CHFR: variants seen among roughly 807,000 people sequenced by gnomAD.
The protein encoded by CHFR is checkpoint with forkhead and ring finger domains.
Under a neutral mutation model 87.6 loss-of-function variants are expected in CHFR, and 57 were observed. That is an observed-to-expected ratio of 0.65 (90% CI 0.53 to 0.81). The LOEUF is 0.81. Among genes scored for constraint, CHFR ranks in the 30% least tolerant of loss-of-function variants. The pLI is 0.00. For missense variants in CHFR, 797 were observed against 865.8 expected (o/e 0.92, Z 1.00); for synonymous variants, 381 against 359.2 (o/e 1.06, Z -0.69).
At chr12:132,847,627 A>G (rs1950857303) in intron 14 of CHFR, 1 of 1,080,496 alleles carries the variant, frequency 9.3e-7, no homozygotes, top group Non-Finnish European at 1.1e-6. Flanking sequence ...TGCTGTCAGC[A>G]AAGTGCTCGG....
In CHFR at chr12:132,861,629, C is replaced by A. The variant is rs370517411; in HGVS notation, c.589G>T (p.Gly197Trp). 29 of 1,614,068 alleles carry A rather than the reference C, an allele frequency of 1.8e-5. 2 individuals carry two copies. The African/African-American group carries it at 2.3e-4, about 13-fold the overall frequency. Residue 197 changes from glycine (G) to tryptophan (W), a missense_variant, in exon 7 of 18, where the codon GGG (glycine) becomes TGG (tryptophan). Transcript: ENST00000450056. The part of the protein sequence containing the change: ...GRERSSSCGS[G>W]GGGISPKGSG... ...CCTTTAGGGGAGATGCCACCACCCC[C>A]AGACCCTGTGAGAGGAATCAAACAA... is the stretch of plus-strand genomic sequence containing the variant.
At position 132,859,056 on chromosome 12, in the gene CHFR, A is replaced by G; in HGVS notation, c.911+12T>C. The stretch of plus-strand genomic sequence containing the variant: ...GCCATGTTCCGTGAGCCAAGGGTGA[A>G]CACGGTCGCACCTCACGCAGTCGTG... On this transcript the variant is annotated intron_variant, in intron 8 of 17. Coordinates refer to ENST00000450056, the MANE Select transcript of CHFR (RefSeq NM_001161346.2). The G allele has an allele frequency of 1.2e-6, 2 of 1,610,004 alleles. No homozygotes were observed. The highest frequency in any genetic ancestry group is 1.7e-6 in the Non-Finnish European group (2 of 1,177,652).
rs1965936 is a variant in CHFR at position 132,834,739 on chromosome 12, A to G, written c.*6815T>C. On this transcript the variant is annotated 3_prime_UTR_variant, in exon 18 of 18. Coordinates refer to ENST00000450056, the MANE Select transcript of CHFR (RefSeq NM_001161346.2). The stretch of plus-strand genomic sequence containing the variant: ...TTTTTTTTTTTTTTTTTTTTGAGAT[A>G]GAGTCTCGCTCTGTCGCCCAGGCGG... 136,207 of 140,938 alleles carry G rather than the reference A, an allele frequency of 0.97. 65,999 individuals are homozygous for G. The highest frequency in any genetic ancestry group is 1 in the Non-Finnish European group (65,489 of 65,526). 8.7% of individuals were successfully genotyped at this position (140,938 alleles called of 1,614,324 possible).
chr12:132,857,589 C>G, intron 8 of CHFR, 30 bp from the exon 9 acceptor site: 9 of 1,607,274 alleles, frequency 5.6e-6, no homozygotes, highest in Non-Finnish European at 7.7e-6. Context: ...AGTGTCCAGA[C>G]AGTCCCACAG....
intron 2 of CHFR, among the ~76,000 whole-genome samples, chr12:132,880,151 T>C (rs953466756): frequency 5.9e-5 from 9 of 152,328 alleles, no homozygotes; most frequent in African/African-American, 1.9e-4. Flanking sequence ...ATTACTTAAC[T>C]GACTTACCAT....
intron 2 of CHFR, among the ~76,000 whole-genome samples, chr12:132,879,044 G>A (rs1196715769): frequency 3.0e-5 from 4 of 133,816 alleles, no homozygotes; most frequent in African/African-American, 1.1e-4. Context: ...TCGCACTGTC[G>A]CCCAGGCTGG....
intron 4 of CHFR, 64 bp downstream of exon 4, chr12:132,872,221 C>T (rs1951506333): frequency 9.9e-7 from 1 of 1,007,002 alleles, no homozygotes; most frequent in African/African-American, 1.6e-5. Context: ...GAGGAACGTT[C>T]AGAGAGCGCC....
Position 132,872,315 on chromosome 12 carries a change from A to G in CHFR, c.313T>C (p.Leu105=), listed in dbSNP as rs767392115. The G allele has an allele frequency of 6.2e-7, 1 of 1,613,002 alleles. No homozygotes were observed. The highest frequency in any genetic ancestry group is 1.3e-5 in the African/African-American group (1 of 74,894). Residue 105 remains leucine, a synonymous_variant, in exon 4 of 18, where the codon TTG becomes CTG. Coordinates refer to ENST00000450056, the MANE Select transcript of CHFR (RefSeq NM_001161346.2). ...CPLQTGDVIY[L]VYRKNEPEHN... ...TCCGGTTCATTCTTCCTGTACACCAAGTAGATGACATCCCCAGTCTGTAAA... is the reference window on the plus strand; with the variant it reads ...TCCGGTTCATTCTTCCTGTACACCAGGTAGATGACATCCCCAGTCTGTAAA...
chr12:132,865,357 GTTTTC>G lies in CHFR; in HGVS notation c.584-3728_584-3724del, dbSNP rs1369047404. On this transcript the variant is annotated intron_variant, in intron 6 of 17. Coordinates refer to ENST00000450056, the MANE Select transcript of CHFR (RefSeq NM_001161346.2). ...TCAGGTGGCTATTCAAATCTGGCAT[GTTTTC>G]TTTTCTTTTTTTTTTTGAGACCTGG... 6.6e-5 allele frequency among the ~76,000 whole-genome samples: 10 copies of G among 152,128 alleles called. No individual in the cohort carries two copies. The East Asian group carries it at 1.9e-3, about 29-fold the overall frequency.
In CHFR at chr12:132,832,878, C is replaced by A. The variant is rs1305511031; in HGVS notation, c.*8676G>T. On this transcript the variant is annotated 3_prime_UTR_variant, in exon 18 of 18. Coordinates refer to ENST00000450056, the MANE Select transcript of CHFR (RefSeq NM_001161346.2). ...CAGTTTCCGGATACTTCCGTTACCT[C>A]AGAAGGATCCTTCTTGCATTCACTC... is the stretch of plus-strand genomic sequence containing the variant. 6.6e-6 allele frequency: 1 copy of A among 152,244 alleles called. No homozygotes were observed. The highest frequency in any genetic ancestry group is 1.5e-5 in the Non-Finnish European group (1 of 68,056). 9.4% of individuals were successfully genotyped at this position (152,244 alleles called of 1,614,324 possible).
Position 132,836,990 on chromosome 12 carries a change from GA to G in CHFR, c.*4563del, listed in dbSNP as rs1950652610. On this transcript the variant is annotated 3_prime_UTR_variant, in exon 18 of 18. Coordinates refer to ENST00000450056, the MANE Select transcript of CHFR (RefSeq NM_001161346.2). ...TTCCGATAGTGACAGGTGCTGGGGG[GA>G]AACTAGACTGGCTGGCGGGGTGGGG... 1 of 356,746 alleles carries G rather than the reference GA, an allele frequency of 2.8e-6. No individual in the cohort carries two copies. The allele number at this position is 356,746 out of a possible 1,614,324, so 22.1% of individuals were successfully genotyped here.
chr12:132,851,171 T>C (rs1197155491), intron 12 of CHFR, among the ~76,000 whole-genome samples: 5 of 151,834 alleles, frequency 3.3e-5, no homozygotes, highest in Non-Finnish European at 7.4e-5. Context: ...TTGTATTTTT[T>C]GTAGAGATGG....
chr12:132,843,100 G>A lies in CHFR; in HGVS notation c.1844-17C>T, dbSNP rs1300033932. 6.2e-7 allele frequency: 1 copy of A among 1,609,522 alleles called. No individual in the cohort carries two copies. Among genetic ancestry groups the A allele is most frequent in the African/African-American group, 1.3e-5 (1 of 74,862 alleles). ...TTACGGCCACTGGAAAAAGAGAAGG[G>A]GTACGCATCTATGAGATGTATTGCA... On this transcript the variant is annotated splice_polypyrimidine_tract_variant and intron_variant, in intron 16 of 17. Coordinates refer to ENST00000450056, the MANE Select transcript of CHFR (RefSeq NM_001161346.2).
chr12:132,867,323 A>G (rs961075820), intron 6 of CHFR: 1 of 152,354 alleles, frequency 6.6e-6, no homozygotes, highest in East Asian at 1.9e-4. Flanking sequence ...ATACACAGAG[A>G]GACATAAAAA....
At chr12:132,844,915 G>A (rs1364510767) in intron 15 of CHFR, among the ~76,000 whole-genome samples, 1 of 152,114 alleles carries the variant, frequency 6.6e-6, no homozygotes, top group South Asian at 2.1e-4. Context: ...TTACAGGCGT[G>A]AGCCTCCACG....
At position 132,837,798 on chromosome 12, in the gene CHFR, C is replaced by T. The variant is rs938649754; in HGVS notation, c.*3756G>A. ...TTCTCTACACGGCTGCAGCCGCCCTCAGAAGGCGCAGGAGCTAGCGTGCAT... is the reference window on the plus strand; with the variant it reads ...TTCTCTACACGGCTGCAGCCGCCCTTAGAAGGCGCAGGAGCTAGCGTGCAT... On this transcript the variant is annotated 3_prime_UTR_variant, in exon 18 of 18. Coordinates refer to ENST00000450056, the MANE Select transcript of CHFR (RefSeq NM_001161346.2). 1.6e-4 allele frequency: 24 copies of T among 152,490 alleles called. No individual in the cohort carries two copies. The highest frequency in any genetic ancestry group is 5.3e-4 in the African/African-American group (22 of 41,588). 9.4% of individuals were successfully genotyped at this position (152,490 alleles called of 1,614,324 possible).
At chr12:132,852,256 G>A (rs1950965514) in intron 11 of CHFR, among the ~76,000 whole-genome samples, 1 of 151,880 alleles carries the variant, frequency 6.6e-6, no homozygotes, top group Non-Finnish European at 1.5e-5. Flanking sequence ...CCAAAGTGCT[G>A]GGATTACAGG....
At chr12:132,852,985 C>A (rs1190910502) in intron 11 of CHFR, among the ~76,000 whole-genome samples, 1 of 152,206 alleles carries the variant, frequency 6.6e-6, no homozygotes. Context: ...GAAAAAGGCA[C>A]CTGACGGGGA....
rs1950632893 is a variant in CHFR, at chr12:132,834,366, C to T, written c.*7188G>A. The T allele has an allele frequency of 6.6e-6, 1 of 152,430 alleles. No homozygotes were observed. Among genetic ancestry groups the T allele is most frequent in the African/African-American group, 2.4e-5 (1 of 41,436 alleles). The allele number at this position is 152,430 out of a possible 1,614,324, so 9.4% of individuals were successfully genotyped here. A position where few individuals can be genotyped will look rare whatever the true frequency, so the allele number is the denominator to read the frequency against. On this transcript the variant is annotated 3_prime_UTR_variant, in exon 18 of 18. Transcript: ENST00000450056. Reference sequence around the variant, plus strand: ...CCATGCCCCACACTCCACCTCCAACCACAGCACCTCTGAGACAGACTGGAC... The same window carrying T: ...CCATGCCCCACACTCCACCTCCAACTACAGCACCTCTGAGACAGACTGGAC...
Sources: allele counts gnomAD v4.1 joint callset (sites outside exome capture counted in the v4.1 genomes callset), GRCh38; gene constraint gnomAD v4.1.1; transcripts MANE v1.5; gene names NCBI Gene and HGNC (gene_info 2026-07-23, HGNC 2026-07-21).